The following VPS8 variants were observed in gnomAD, a reference collection of about 807,000 sequenced individuals.
VPS8 encodes VPS8 subunit of CORVET complex.
In VPS8, 129 loss-of-function variants were observed where a neutral mutation model predicts 216.4. The ratio of observed to expected loss-of-function variants is 0.60; its 90% CI spans 0.52 to 0.69. VPS8 has a LOEUF of 0.69. VPS8 is among the 30% of genes least tolerant of loss of function. VPS8 has a pLI of 0.00. For synonymous variants in VPS8, 571 were observed against 565.4 expected (o/e 1.01, Z -0.14); for missense variants, 1,531 against 1,683.5 (o/e 0.91, Z 1.59).
chr3:185,036,937 A>G (rs2108486258), intron 46 of VPS8, among the ~76,000 whole-genome samples: 1 of 152,208 alleles, frequency 6.6e-6, no homozygotes, highest in South Asian at 2.1e-4. Context: ...ACATTTCTAC[A>G]TATTATAAGC....
chr3:184,943,082 C>T (rs1434463022), intron 36 of VPS8, among the ~76,000 whole-genome samples: 1 of 152,168 alleles, frequency 6.6e-6, no homozygotes, highest in African/African-American at 2.4e-5. Context: ...AGGGTACACA[C>T]ACTTCTTCAA....
chr3:184,955,206 T>C (rs1745372266), intron 36 of VPS8, among the ~76,000 whole-genome samples: 1 of 152,198 alleles, frequency 6.6e-6, no homozygotes, highest in South Asian at 2.1e-4. Context: ...TCTGGAGGCC[T>C]AAACCCCTCC....
chr3:184,924,929 A>G lies in VPS8; in HGVS notation c.2522A>G (p.Gln841Arg). 1 of 1,613,702 alleles carries G rather than the reference A, an allele frequency of 6.2e-7. No individual in the cohort carries two copies. Among genetic ancestry groups the G allele is most frequent in the Non-Finnish European group, 8.5e-7 (1 of 1,179,824 alleles). ...TGTCTCTTTACCTTCCTTGCTCGGC[A>G]GCTTGCAAAGCCTGACAACACCTTG... ...VGCLFTFLAR[Q>R]LAKPDNTLFV... Residue 841 changes from glutamine to arginine, a missense_variant, in exon 30 of 48, where the codon CAG becomes CGG. Around this residue, in one of 3 missense-constraint regions of VPS8, gnomAD observed 1,318 missense variants for 1,468.4 expected, o/e 0.90. Coordinates refer to ENST00000625842, the MANE Select transcript of VPS8 (RefSeq NM_001009921.3).
At chr3:184,863,193 A>C in intron 16 of VPS8, 126 bp downstream of exon 16, 2 of 1,156,070 alleles carry the variant, frequency 1.7e-6, no homozygotes, top group Non-Finnish European at 2.4e-6. Context: ...GTTTCTTTAC[A>C]AGCCACTAGG....
At position 184,849,997 on chromosome 3, in the gene VPS8, C is replaced by T. The variant is rs1400284780; in HGVS notation, c.728C>T (p.Pro243Leu). The change falls in exon 10 of 48, where the codon CCA becomes CTA. Residue 243 changes from proline to leucine, a missense_variant. Physicochemically the swap from Pro to Leu is moderately conservative, Grantham distance 98 (BLOSUM62 -3). This residue lies in a region of VPS8 where 1,318 missense variants were observed against 1,468.4 expected (regional missense o/e 0.90). Transcript: ENST00000625842. The stretch of plus-strand genomic sequence containing the variant: ...AGATCAATAACAGATGCTCATCCTC[C>T]AGGAACAGCAATATTGCATATCAAG... ...LLRSITDAHP[P>L]GTAILHIKFT... 2 of 1,613,112 alleles carry T rather than the reference C, an allele frequency of 1.2e-6. No individual in the cohort carries two copies. Among genetic ancestry groups the T allele is most frequent in the Admixed American group, 3.3e-5 (2 of 59,874 alleles).
At chr3:184,872,137 T>C (rs1277284915) in intron 21 of VPS8, among the ~76,000 whole-genome samples, 3 of 152,110 alleles carry the variant, frequency 2.0e-5, no homozygotes, top group Admixed American at 2.0e-4. Context: ...TGTATACCAA[T>C]GCAGTATAGA....
chr3:185,046,115 T>C (rs926134296), intron 46 of VPS8, among the ~76,000 whole-genome samples: 2 of 152,246 alleles, frequency 1.3e-5, no homozygotes, highest in Non-Finnish European at 2.9e-5. Context: ...AGCAAATGCA[T>C]TTTTCCTTCT....
intron 46 of VPS8, among the ~76,000 whole-genome samples, chr3:185,037,732 A>G (rs1457082137): frequency 6.6e-6 from 1 of 151,920 alleles, no homozygotes; most frequent in Admixed American, 6.6e-5. Context: ...GCTGGCTCAA[A>G]TCTCCTGTTA....
rs371501742 is a variant in VPS8, at chr3:185,003,033, C to G, written c.4002+3172C>G. Among the ~76,000 whole-genome samples, 16 of 152,254 alleles carry G rather than the reference C, an allele frequency of 1.1e-4. No individual in the cohort carries two copies. In the East Asian group the frequency reaches 2.1e-3, roughly 20 times the overall value. ...CTTTAAGGAACCTCCATACTGTTTT[C>G]CATAATAGTTGTACTAGTTTACATT... On this transcript the variant is annotated intron_variant, in intron 45 of 47. Transcript: ENST00000625842.
At chr3:184,894,507 CGTATATATATATATAT>C (rs1438569556) in intron 22 of VPS8, among the ~76,000 whole-genome samples, 180 bp from the exon 23 acceptor site, 1 of 91,918 alleles carries the variant, frequency 1.1e-5, no homozygotes, top group Non-Finnish European at 2.6e-5. Flanking sequence ...TATATACACA[CGTATATATATATATAT>C]ATATATATAC....
intron 15 of VPS8, 124 bp downstream of exon 15, chr3:184,860,189 C>T: frequency 1.2e-6 from 1 of 837,760 alleles, no homozygotes. Flanking sequence ...GAAATATGGA[C>T]AGTCCGGCAC....
At chr3:184,869,425 C>A in intron 19 of VPS8, 57 bp from the exon 20 acceptor site, 1 of 1,541,322 alleles carries the variant, frequency 6.5e-7, no homozygotes, top group Non-Finnish European at 8.9e-7. Context: ...GACATAGTTT[C>A]ACTCCTAAAG....
At chr3:184,934,741 T>A (rs532483312) in intron 34 of VPS8, among the ~76,000 whole-genome samples, 2 of 152,322 alleles carry the variant, frequency 1.3e-5, no homozygotes, top group African/African-American at 4.8e-5. Flanking sequence ...TGATATATTA[T>A]TTTTATACAT....
chr3:184,969,850 G>T (rs959483870), intron 39 of VPS8, among the ~76,000 whole-genome samples: 1 of 149,502 alleles, frequency 6.7e-6, no homozygotes, highest in African/African-American at 2.5e-5. Context: ...TTGAATTCCA[G>T]TGAAAATAAA....
intron 46 of VPS8, among the ~76,000 whole-genome samples, chr3:185,034,609 T>G (rs1325951693): frequency 6.9e-6 from 1 of 145,442 alleles, no homozygotes; most frequent in Non-Finnish European, 1.5e-5. Flanking sequence ...CGTTGATAGT[T>G]TTGTTGTTGT....
chr3:185,009,188 A>G (rs1754654420), intron 45 of VPS8, among the ~76,000 whole-genome samples: 1 of 152,206 alleles, frequency 6.6e-6, no homozygotes, highest in South Asian at 2.1e-4. Flanking sequence ...GATGAAAGTA[A>G]TACCAAGACA....
At chr3:184,951,156 T>C (rs1420548665) in intron 36 of VPS8, among the ~76,000 whole-genome samples, 2 of 152,196 alleles carry the variant, frequency 1.3e-5, no homozygotes, top group Non-Finnish European at 2.9e-5. Flanking sequence ...TCTTCCACAA[T>C]GGCTGAACTA....
intron 23 of VPS8, among the ~76,000 whole-genome samples, chr3:184,896,972 G>A (rs1733611267): frequency 6.6e-6 from 1 of 152,000 alleles, no homozygotes; most frequent in African/African-American, 2.4e-5. Flanking sequence ...GATTGTTATA[G>A]GTAAAAGCAA....
At position 185,015,180 on chromosome 3, in the gene VPS8, C is replaced by T. The variant is rs537555965; in HGVS notation, c.4003-9156C>T. Among the ~76,000 whole-genome samples, 3 of 152,290 alleles carry T rather than the reference C, an allele frequency of 2.0e-5. No homozygotes were observed. The South Asian group carries it at 6.2e-4, about 32-fold the overall frequency. On this transcript the variant is annotated intron_variant, in intron 45 of 47. Transcript: ENST00000625842. ...CTGTATCTGCGTTTGAGACCAGAGG[C>T]GTTAACATGGGTTAAATTGTGAAAG...
Sources: gnomAD v4.1 joint callset for allele counts (sites outside exome capture counted in the v4.1 genomes callset) on GRCh38, gnomAD v4.1.1 for gene constraint, gnomAD v4.1.1 regional missense constraint, MANE v1.5 for transcripts, NCBI Gene and HGNC (gene_info 2026-07-23, HGNC 2026-07-21) for gene names.